The following ZNRF3 variants were observed in gnomAD, a reference collection of about 807,000 sequenced individuals.
ZNRF3 encodes E3 ubiquitin-protein ligase ZNRF3.
A neutral mutation model predicts 72.5 loss-of-function variants in ZNRF3; 23 were observed. The observed-to-expected ratio is 0.32, with a 90% CI of 0.23 to 0.45. The LOEUF is 0.45. Ranked by LOEUF, ZNRF3 falls within the 20% of genes least tolerant of loss-of-function variation. The pLI is 1.00. For missense variants in ZNRF3, 1,169 were observed against 1,272.1 expected (o/e 0.92, Z 1.23); for synonymous variants, 610 against 545.3 (o/e 1.12, Z -1.65).
At chr22:28,902,289 C>T (rs1270320944) in intron 1 of ZNRF3, among the ~76,000 whole-genome samples, 1 of 152,166 alleles carries the variant, frequency 6.6e-6, no homozygotes, top group Admixed American at 6.5e-5. Flanking sequence ...GTTCTTCAAA[C>T]TACAACTTTT....
At chr22:28,980,569 A>C (rs995128855) in intron 1 of ZNRF3, among the ~76,000 whole-genome samples, 1 of 152,202 alleles carries the variant, frequency 6.6e-6, no homozygotes, top group Non-Finnish European at 1.5e-5. Flanking sequence ...TTGATAAAGG[A>C]GTGAGTAGGC....
intron 2 of ZNRF3, among the ~76,000 whole-genome samples, chr22:29,006,492 G>T (rs562586090): frequency 1.7e-4 from 26 of 152,276 alleles, no homozygotes; most frequent in African/African-American, 6.0e-4. Flanking sequence ...GATTACAGGT[G>T]TGAGCCACCG....
chr22:28,884,130 C>G (rs1200909316), intron 1 of ZNRF3, 64 bp downstream of exon 1: 6 of 1,040,566 alleles, frequency 5.8e-6, no homozygotes, highest in African/African-American at 3.4e-5. Flanking sequence ...GGGCTGCGCC[C>G]GCCGACCCCG....
At chr22:28,996,982 G>C (rs956371202) in intron 2 of ZNRF3, among the ~76,000 whole-genome samples, 1 of 152,124 alleles carries the variant, frequency 6.6e-6, no homozygotes, top group Non-Finnish European at 1.5e-5. Context: ...TGTATTTCCT[G>C]GGATACCTGA....
intron 1 of ZNRF3, among the ~76,000 whole-genome samples, chr22:28,914,564 C>A (rs147445537): frequency 6.8e-6 from 1 of 148,110 alleles, no homozygotes; most frequent in Non-Finnish European, 1.5e-5. Flanking sequence ...CCTATAATTC[C>A]AGCACTTTGG....
intron 2 of ZNRF3, among the ~76,000 whole-genome samples, chr22:29,024,293 T>TTTTTTC: frequency 6.6e-6 from 1 of 151,784 alleles, no homozygotes. Context: ...TGTTTTTTTT[T>TTTTTTC]TTTTGCTTTC....
At chr22:28,987,313 T>C in intron 2 of ZNRF3, 112 bp downstream of exon 2, 1 of 1,471,586 alleles carries the variant, frequency 6.8e-7, no homozygotes, top group Non-Finnish European at 9.1e-7. Context: ...GGCACAGTGC[T>C]CCTTCCCGGC....
At chr22:28,972,107 A>G (rs1207830146) in intron 1 of ZNRF3, among the ~76,000 whole-genome samples, 1 of 152,196 alleles carries the variant, frequency 6.6e-6, no homozygotes, top group African/African-American at 2.4e-5. Flanking sequence ...CTTTAATAAC[A>G]GCTTTATTGA....
intron 1 of ZNRF3, among the ~76,000 whole-genome samples, chr22:28,896,032 C>T (rs1342199103): frequency 6.6e-6 from 1 of 152,134 alleles, no homozygotes; most frequent in African/African-American, 2.4e-5. Flanking sequence ...CTCACTGCAA[C>T]CTCCCCATCC....
chr22:28,988,718 G>C (rs79127495), intron 2 of ZNRF3, among the ~76,000 whole-genome samples: 1,701 of 152,264 alleles, frequency 0.011, 44 homozygotes, highest in African/African-American at 0.039. Context: ...ACATCTACAG[G>C]GTAGGAACAG....
At chr22:29,034,240 C>T (rs1235448438) in intron 2 of ZNRF3, among the ~76,000 whole-genome samples, 1 of 152,162 alleles carries the variant, frequency 6.6e-6, no homozygotes, top group Non-Finnish European at 1.5e-5. Context: ...TGCCTGGCAC[C>T]CAGTTGGCCC....
chr22:29,050,047 G>A lies in ZNRF3; in HGVS notation c.1866G>A (p.Leu622=), dbSNP rs374486157. The A allele has an allele frequency of 4.4e-6, 7 of 1,608,784 alleles. No individual in the cohort carries two copies. In the East Asian group the frequency reaches 6.7e-5, roughly 15 times the overall value. Reference sequence around the variant, plus strand: ...GCAGCTCGGGCCGGGGACCTGCCCTGTGCTTCGAGGGCTCCCCGCCTCCCG... The same window carrying A: ...GCAGCTCGGGCCGGGGACCTGCCCTATGCTTCGAGGGCTCCCCGCCTCCCG... ...GSGSSGRGPA[L]CFEGSPPPEE... Residue 622 remains leucine, a synonymous_variant, in exon 8 of 9, where the codon CTG becomes CTA. Transcript: ENST00000544604.
In ZNRF3 at chr22:29,049,985, C is replaced by A. The variant is rs1055198879; in HGVS notation, c.1804C>A (p.Arg602=). The change falls in exon 8 of 9, where the codon CGG becomes AGG. Residue 602 remains arginine, a synonymous_variant. Transcript: ENST00000544604. This position sits in a 1 kb window ranked among gnomAD's most constrained non-coding sequence, Gnocchi z 5.2. ...CTATGACCCCTTCATCTACCGCAGC[C>A]GGAGCCCCTGTCGTGCCAGTGAGGC... ...SDYDPFIYRS[R]SPCRASEAGG... 1 of 1,612,148 alleles carries A rather than the reference C, an allele frequency of 6.2e-7. No individual in the cohort carries two copies. The highest frequency in any genetic ancestry group is 1.3e-5 in the African/African-American group (1 of 75,044).
chr22:28,900,123 A>G (rs1210064554), intron 1 of ZNRF3, among the ~76,000 whole-genome samples: 1 of 152,092 alleles, frequency 6.6e-6, no homozygotes, highest in Non-Finnish European at 1.5e-5. Context: ...TAACTAACCT[A>G]GTGATGACTG....
chr22:29,016,135 C>A (rs1262175696), intron 2 of ZNRF3, among the ~76,000 whole-genome samples: 1 of 151,836 alleles, frequency 6.6e-6, no homozygotes, highest in African/African-American at 2.4e-5. Context: ...GCCCCTGGTA[C>A]TAGTGAAGGT....
intron 2 of ZNRF3, among the ~76,000 whole-genome samples, chr22:29,004,237 A>G (rs891933957): frequency 6.6e-6 from 1 of 152,222 alleles, no homozygotes; most frequent in South Asian, 2.1e-4. Flanking sequence ...CTGACCCAAG[A>G]GAAAATATAC....
At chr22:28,984,406 G>A (rs555949860) in intron 1 of ZNRF3, among the ~76,000 whole-genome samples, 12 of 152,054 alleles carry the variant, frequency 7.9e-5, no homozygotes, top group Non-Finnish European at 1.3e-4. Flanking sequence ...TACAATATGC[G>A]GTGTTTTGTG....
intron 2 of ZNRF3, among the ~76,000 whole-genome samples, chr22:29,020,757 T>G (rs1279633524): frequency 2.6e-5 from 3 of 117,314 alleles, no homozygotes; most frequent in African/African-American, 1.1e-4. Context: ...GAGAGGGGCT[T>G]TGTTTTTGTG....
intron 1 of ZNRF3, among the ~76,000 whole-genome samples, chr22:28,980,207 A>G (rs148566061): frequency 6.6e-6 from 1 of 151,184 alleles, no homozygotes; most frequent in Admixed American, 6.6e-5. Flanking sequence ...CAGGCATTGG[A>G]GACTCAGAAG....
Sources: allele counts gnomAD v4.1 joint callset (sites outside exome capture counted in the v4.1 genomes callset), GRCh38; gene constraint gnomAD v4.1.1; non-coding constraint Gnocchi (gnomAD v3.1); transcripts MANE v1.5; gene names NCBI Gene and HGNC (gene_info 2026-07-23, HGNC 2026-07-21).